TACR3: variants seen among roughly 807,000 people sequenced by gnomAD.
The protein encoded by TACR3 is neuromedin-K receptor.
In TACR3, 34 loss-of-function variants were observed where a neutral mutation model predicts 35.0. That is an observed-to-expected ratio of 0.97 (90% CI 0.74 to 1.30). The LOEUF (loss-of-function observed/expected upper bound fraction) is 1.30, where lower values mean the gene tolerates loss of function less well. TACR3 is among the 50% of genes most tolerant of loss of function. The pLI, the probability that TACR3 is intolerant of heterozygous loss-of-function variation, is 0.00. For missense variants in TACR3, 558 were observed against 591.7 expected, an observed-to-expected ratio of 0.94 and a Z score of 0.59; for synonymous variants, 233 against 221.1, an observed-to-expected ratio of 1.05 and a Z score of -0.48.
chr4:103,638,051 G>GT (rs1725239182), intron 3 of TACR3, among the ~76,000 whole-genome samples: 2 of 152,260 alleles, frequency 1.3e-5, no homozygotes, highest in East Asian at 3.9e-4. Flanking sequence ...TACCCATGAA[G>GT]CTACCAATGA....
chr4:103,622,467 C>A lies in TACR3; in HGVS notation c.889-30784G>T, dbSNP rs538034875. 3.3e-5 allele frequency among the ~76,000 whole-genome samples: 5 copies of A among 152,278 alleles called. No individual in the cohort carries two copies. In the East Asian group the frequency reaches 9.7e-4, roughly 29 times the overall value. On this transcript the variant is annotated intron_variant, in intron 3 of 4. Transcript: ENST00000304883. ...CAGTGAAAGGCCAGGCACGGTGGCT[C>A]ACGCCTGCAATCCCAGCAGTTTGGG...
At chr4:103,679,110 GCTAA>G (rs1402991387) in intron 1 of TACR3, among the ~76,000 whole-genome samples, 17 of 152,088 alleles carry the variant, frequency 1.1e-4, no homozygotes, top group African/African-American at 4.1e-4. Flanking sequence ...TTCATAAAGT[GCTAA>G]CTGACATCCT....
intron 3 of TACR3, among the ~76,000 whole-genome samples, chr4:103,610,418 G>A (rs990047710): frequency 6.6e-6 from 1 of 151,760 alleles, no homozygotes; most frequent in Non-Finnish European, 1.5e-5. Flanking sequence ...TCCTTTGTAT[G>A]TCTTCTTTTG....
intron 1 of TACR3, among the ~76,000 whole-genome samples, chr4:103,677,676 G>A (rs1256560412): frequency 2.0e-5 from 3 of 152,042 alleles, no homozygotes; most frequent in Non-Finnish European, 4.4e-5. Flanking sequence ...GGACACATAA[G>A]GGAGAACAAC....
chr4:103,628,797 A>T (rs1217955923), intron 3 of TACR3, among the ~76,000 whole-genome samples: 2 of 151,912 alleles, frequency 1.3e-5, no homozygotes, highest in Non-Finnish European at 2.9e-5. Flanking sequence ...AACTCATTTT[A>T]TGAGGCAAGC....
At chr4:103,610,656 G>A (rs1007800901) in intron 3 of TACR3, among the ~76,000 whole-genome samples, 5 of 151,858 alleles carry the variant, frequency 3.3e-5, no homozygotes, top group Admixed American at 6.6e-5. Context: ...GCCTATTTTT[G>A]CTTTTATTTC....
chr4:103,697,032 G>A (rs1258112313), intron 1 of TACR3, among the ~76,000 whole-genome samples: 1 of 152,006 alleles, frequency 6.6e-6, no homozygotes, highest in Admixed American at 6.6e-5. Context: ...TCCCATTTCT[G>A]CCTCCCAAAG....
intron 1 of TACR3, among the ~76,000 whole-genome samples, chr4:103,701,508 C>T (rs1289048714): frequency 6.6e-5 from 10 of 152,166 alleles, no homozygotes; most frequent in South Asian, 2.1e-4. Flanking sequence ...CCATCCCCAT[C>T]AAGCTACCCA....
At chr4:103,662,058 A>G (rs948752634) in intron 1 of TACR3, among the ~76,000 whole-genome samples, 1 of 152,148 alleles carries the variant, frequency 6.6e-6, no homozygotes, top group Non-Finnish European at 1.5e-5. Flanking sequence ...GTATACATGA[A>G]CTGAGAAAAA....
At chr4:103,626,279 C>A (rs1031743492) in intron 3 of TACR3, among the ~76,000 whole-genome samples, 2 of 152,152 alleles carry the variant, frequency 1.3e-5, no homozygotes, top group East Asian at 3.9e-4. Flanking sequence ...GCTGAAATTA[C>A]TAATCTAATC....
chr4:103,633,668 T>A lies in TACR3; in HGVS notation c.888+22526A>T, dbSNP rs140752781. 1.5e-3 allele frequency among the ~76,000 whole-genome samples: 221 copies of A among 152,222 alleles called. 2 individuals carry two copies. In the East Asian group the frequency reaches 0.035, roughly 24 times the overall value. On this transcript the variant is annotated intron_variant, in intron 3 of 4. Transcript: ENST00000304883. ...CAGTGAGAACATAAAATGTTTGGTT[T>A]TCCATTCCTGAATTATTTCACTTAG...
intron 1 of TACR3, among the ~76,000 whole-genome samples, chr4:103,706,773 GA>G (rs1165821168): frequency 6.6e-6 from 1 of 152,002 alleles, no homozygotes; most frequent in Non-Finnish European, 1.5e-5. Flanking sequence ...CAATGAATAA[GA>G]AAAAATATGT....
chr4:103,632,811 C>A (rs1179584267), intron 3 of TACR3, among the ~76,000 whole-genome samples: 1 of 151,962 alleles, frequency 6.6e-6, no homozygotes, highest in South Asian at 2.1e-4. Context: ...GGCAGAAGAT[C>A]ATTTTAGCAT....
intron 1 of TACR3, among the ~76,000 whole-genome samples, chr4:103,694,745 C>T (rs183036442): frequency 1.2e-4 from 19 of 152,122 alleles, no homozygotes; most frequent in African/African-American, 4.6e-4. Flanking sequence ...ACCTTGTAAA[C>T]ACTAACCAGA....
At chr4:103,606,252 G>C (rs1277990136) in intron 3 of TACR3, among the ~76,000 whole-genome samples, 2 of 151,854 alleles carry the variant, frequency 1.3e-5, no homozygotes, top group Non-Finnish European at 2.9e-5. Flanking sequence ...TTGAAGTCAG[G>C]TAGTGTGATG....
chr4:103,593,418 A>T (rs1301224935), intron 3 of TACR3: 2 of 152,214 alleles, frequency 1.3e-5, no homozygotes, highest in African/African-American at 4.8e-5. Context: ...ATAAAAATGC[A>T]TGCATTGAAA....
intron 3 of TACR3, among the ~76,000 whole-genome samples, chr4:103,634,874 C>CTTA (rs1725145491): frequency 6.6e-6 from 1 of 151,986 alleles, no homozygotes; most frequent in Admixed American, 6.6e-5. Context: ...CTTCAACTTC[C>CTTA]TTATTTGCTT....
chr4:103,625,717 A>T (rs1240742101), intron 3 of TACR3, among the ~76,000 whole-genome samples: 1 of 152,132 alleles, frequency 6.6e-6, no homozygotes, highest in African/African-American at 2.4e-5. Flanking sequence ...GATCAAAGAG[A>T]TCAATATCTA....
chr4:103,664,902 T>G (rs1372210436), intron 1 of TACR3, among the ~76,000 whole-genome samples: 2 of 152,044 alleles, frequency 1.3e-5, no homozygotes, highest in African/African-American at 2.4e-5. Context: ...CCTCCAACTC[T>G]TGGCTCAAGT....
Sources: allele counts gnomAD v4.1 joint callset (sites outside exome capture counted in the v4.1 genomes callset), GRCh38; gene constraint gnomAD v4.1.1; transcripts MANE v1.5; gene names NCBI Gene and HGNC (gene_info 2026-07-23, HGNC 2026-07-21).